The following ACTL8 variants were observed in gnomAD, a reference collection of about 807,000 sequenced individuals.
ACTL8 encodes actin like 8.
A neutral mutation model predicts 9.3 loss-of-function variants in ACTL8; 3 were observed. That is an observed-to-expected ratio of 0.32 (90% CI 0.15 to 0.83). The LOEUF (loss-of-function observed/expected upper bound fraction) is 0.83, where lower values mean the gene tolerates loss of function less well. ACTL8 is among the 40% of genes least tolerant of loss of function. The pLI, the probability that ACTL8 is intolerant of heterozygous loss-of-function variation, is 0.57. For missense variants in ACTL8, 381 were observed against 492.2 expected (o/e 0.77, Z 2.14); for synonymous variants, 224 against 205.9 (o/e 1.09, Z -0.75).
At chr1:17,773,849 G>A (rs1447079626) in intron 1 of ACTL8, among the ~76,000 whole-genome samples, 1 of 152,262 alleles carries the variant, frequency 6.6e-6, no homozygotes, top group East Asian at 1.9e-4. Context: ...AGATTAACAG[G>A]ATTTCTGAGC....
chr1:17,797,819 C>T (rs186678009), intron 1 of ACTL8, among the ~76,000 whole-genome samples: 1 of 152,258 alleles, frequency 6.6e-6, no homozygotes, highest in Non-Finnish European at 1.5e-5. Flanking sequence ...GGAAGTAAAG[C>T]GGTTTGCACA....
chr1:17,791,291 G>A (rs138909449), intron 1 of ACTL8, among the ~76,000 whole-genome samples: 65 of 152,292 alleles, frequency 4.3e-4, no homozygotes, highest in African/African-American at 1.4e-3. Flanking sequence ...TGCAGCAGGC[G>A]TGATGGCAGC....
chr1:17,826,622 T>C lies in ACTL8; in HGVS notation c.*103T>C. 1 of 1,235,900 alleles carries C rather than the reference T, an allele frequency of 8.1e-7. No homozygotes were observed. Among genetic ancestry groups the C allele is most frequent in the Non-Finnish European group, 1.1e-6 (1 of 923,750 alleles). 76.6% of individuals were successfully genotyped at this position (1,235,900 alleles called of 1,614,324 possible). ...GGGGGTAGAATGAGGTGGGGTGGGGTGAGCTGGCTTTGGAATTCTAGGGGC... is the reference window on the plus strand; with the variant it reads ...GGGGGTAGAATGAGGTGGGGTGGGGCGAGCTGGCTTTGGAATTCTAGGGGC... On this transcript the variant is annotated 3_prime_UTR_variant, in exon 3 of 3. Transcript: ENST00000375406. The surrounding 1 kb of genome is among the most constrained non-coding windows in gnomAD (Gnocchi z 4.5).
chr1:17,821,183 A>G (rs2053657460), intron 1 of ACTL8, among the ~76,000 whole-genome samples: 1 of 152,030 alleles, frequency 6.6e-6, no homozygotes, highest in Non-Finnish European at 1.5e-5. Context: ...TCTGTATTAA[A>G]TATATGATTT....
chr1:17,763,717 A>C (rs546370006), intron 1 of ACTL8, among the ~76,000 whole-genome samples: 2 of 152,314 alleles, frequency 1.3e-5, no homozygotes, highest in African/African-American at 4.8e-5. Context: ...GGGCAGGGGA[A>C]GGCTTATGGC....
At chr1:17,811,361 ATG>A (rs1302576837) in intron 1 of ACTL8, among the ~76,000 whole-genome samples, 5 of 152,198 alleles carry the variant, frequency 3.3e-5, no homozygotes, top group African/African-American at 7.2e-5. Flanking sequence ...CAGATGTGTG[ATG>A]TGTGACTTGC....
intron 1 of ACTL8, among the ~76,000 whole-genome samples, chr1:17,796,920 C>T (rs2066281622): frequency 6.6e-6 from 1 of 152,222 alleles, no homozygotes; most frequent in Non-Finnish European, 1.5e-5. Flanking sequence ...TGGGCCAGCC[C>T]TGAGGGCCTC....
Position 17,823,491 on chromosome 1 carries a change from C to T in ACTL8, c.348+135C>T, listed in dbSNP as rs1237169607. Reference sequence around the variant, plus strand: ...GGTGTGGTGGCTTATGCCTGTAATCCCAACACTTTGGGACTCCCAGGCAGG... The same window carrying T: ...GGTGTGGTGGCTTATGCCTGTAATCTCAACACTTTGGGACTCCCAGGCAGG... On this transcript the variant is annotated intron_variant, in intron 2 of 2. Transcript: ENST00000375406. The surrounding 1 kb of genome is among the most constrained non-coding windows in gnomAD (Gnocchi z 5.3). 1.1e-5 allele frequency: 10 copies of T among 871,324 alleles called. No individual in the cohort carries two copies. Among genetic ancestry groups the T allele is most frequent in the Non-Finnish European group, 1.5e-5 (9 of 583,958 alleles). The allele number at this position is 871,324 out of a possible 1,614,324, so 54.0% of individuals were successfully genotyped here.
At position 17,803,775 on chromosome 1, in the gene ACTL8, A is replaced by G. The variant is rs564741556; in HGVS notation, c.-24-19210A>G. Reference sequence around the variant, plus strand: ...AGAAGGTCTCTATGACTGTAAAGGCAGACAGAGTGAGCGAGGGAGAGTGAT... The same window carrying G: ...AGAAGGTCTCTATGACTGTAAAGGCGGACAGAGTGAGCGAGGGAGAGTGAT... On this transcript the variant is annotated intron_variant, in intron 1 of 2. Coordinates refer to ENST00000375406, the MANE Select transcript of ACTL8 (RefSeq NM_030812.3). Among the ~76,000 whole-genome samples, 34 of 152,352 alleles carry G rather than the reference A, an allele frequency of 2.2e-4. No individual in the cohort carries two copies. In the South Asian group the frequency reaches 6.6e-3, roughly 30 times the overall value.
At chr1:17,822,935 A>G (rs2053675512) in intron 1 of ACTL8, 50 bp from the exon 2 acceptor site, 11 of 1,311,248 alleles carry the variant, frequency 8.4e-6, no homozygotes, top group Non-Finnish European at 1.1e-5. Flanking sequence ...GAAGCTGCTT[A>G]TGGTGGCCTA....
intron 1 of ACTL8, among the ~76,000 whole-genome samples, chr1:17,799,003 C>T (rs1306128084): frequency 6.6e-6 from 1 of 152,246 alleles, no homozygotes; most frequent in East Asian, 1.9e-4. Flanking sequence ...TCCACGGATG[C>T]ATTCCTGGCT....
intron 1 of ACTL8, among the ~76,000 whole-genome samples, chr1:17,778,813 G>A (rs138825348): frequency 2.2e-4 from 34 of 152,260 alleles, no homozygotes; most frequent in Non-Finnish European, 3.7e-4. Flanking sequence ...TCTGAGCTCA[G>A]GGATGATGAG....
At chr1:17,785,017 T>G (rs1030994788) in intron 1 of ACTL8, among the ~76,000 whole-genome samples, 3 of 152,188 alleles carry the variant, frequency 2.0e-5, no homozygotes, top group African/African-American at 7.2e-5. Context: ...GAACTCCTCT[T>G]TCTAAAGCTG....
rs2053683859 is a variant in ACTL8 at position 17,823,615 on chromosome 1, C to T, written c.348+259C>T. Among the ~76,000 whole-genome samples, 1 of 152,032 alleles carries T rather than the reference C, an allele frequency of 6.6e-6. No individual in the cohort carries two copies. Among genetic ancestry groups the T allele is most frequent in the Admixed American group, 6.5e-5 (1 of 15,268 alleles). ...AAAAATTAGCCAGGTGTGGTCCCAG[C>T]TACCTGGGAGGCTGAGGTGGGAGGA... On this transcript the variant is annotated intron_variant, in intron 2 of 2. Coordinates refer to ENST00000375406, the MANE Select transcript of ACTL8 (RefSeq NM_030812.3). The surrounding 1 kb of genome is among the most constrained non-coding windows in gnomAD (Gnocchi z 5.3).
Position 17,823,089 on chromosome 1 carries a change from G to T in ACTL8, c.81G>T (p.Met27Ile), listed in dbSNP as rs2053677434. ...AGTAGWNEPQ[M>I]VFPNIVNYLP... The stretch of plus-strand genomic sequence containing the variant: ...CGGCCGGCTGGAATGAGCCTCAGAT[G>T]GTCTTCCCGAACATCGTGAACTACC... Residue 27 changes from methionine (M) to isoleucine (I), a missense_variant, in exon 2 of 3, where the codon ATG becomes ATT. Physicochemically the swap from Met to Ile is conservative, Grantham distance 10 (BLOSUM62 1). Transcript: ENST00000375406. The surrounding 1 kb of genome is among the most constrained non-coding windows in gnomAD (Gnocchi z 5.3). 6.2e-7 allele frequency: 1 copy of T among 1,614,100 alleles called. No homozygotes were observed. Among genetic ancestry groups the T allele is most frequent in the Non-Finnish European group, 8.5e-7 (1 of 1,180,046 alleles).
chr1:17,801,005 C>T (rs2066318325), intron 1 of ACTL8, among the ~76,000 whole-genome samples: 1 of 152,128 alleles, frequency 6.6e-6, no homozygotes, highest in Non-Finnish European at 1.5e-5. Flanking sequence ...TCTTCAATTC[C>T]TTGAGTTTTT....
At chr1:17,758,823 CAATT>C (rs1190694176) in intron 1 of ACTL8, among the ~76,000 whole-genome samples, 2 of 152,162 alleles carry the variant, frequency 1.3e-5, no homozygotes, top group Non-Finnish European at 2.9e-5. Flanking sequence ...CCTGAATAAA[CAATT>C]AGAGTAAGCA....
intron 1 of ACTL8, among the ~76,000 whole-genome samples, chr1:17,777,055 C>T (rs778710692): frequency 2.1e-5 from 3 of 140,854 alleles, no homozygotes; most frequent in Non-Finnish European, 4.5e-5. Flanking sequence ...AATCCTGGGC[C>T]TGGGCCCAAG....
At chr1:17,776,991 T>C (rs1167417940) in intron 1 of ACTL8, among the ~76,000 whole-genome samples, 1 of 135,092 alleles carries the variant, frequency 7.4e-6, no homozygotes, top group African/African-American at 2.8e-5. Flanking sequence ...TTTTTTTTTT[T>C]TTTTTTTTTT....
Sources: allele counts gnomAD v4.1 joint callset (sites outside exome capture counted in the v4.1 genomes callset), GRCh38; gene constraint gnomAD v4.1.1; non-coding constraint Gnocchi (gnomAD v3.1); transcripts MANE v1.5; gene names NCBI Gene and HGNC (gene_info 2026-07-23, HGNC 2026-07-21).